The following CRACR2A variants were observed in gnomAD, a reference collection of about 807,000 sequenced individuals.
CRACR2A encodes calcium release activated channel regulator 2A, also known as EF-hand calcium-binding domain-containing protein 4B.
Under a neutral mutation model 90.5 loss-of-function variants are expected in CRACR2A, and 79 were observed. That is an observed-to-expected ratio of 0.87 (90% CI 0.73 to 1.05). CRACR2A has a LOEUF of 1.05. Ranked by LOEUF, CRACR2A falls within the 50% of genes least tolerant of loss-of-function variation. The pLI, the probability that CRACR2A is intolerant of heterozygous loss-of-function variation, is 0.00. For synonymous variants in CRACR2A, 338 were observed against 356.7 expected (o/e 0.95, Z 0.59); for missense variants, 823 against 897.2 (o/e 0.92, Z 1.06).
At chr12:3,660,877 CACACACACACA>C (rs1386610831) in intron 7 of CRACR2A, among the ~76,000 whole-genome samples, 1 of 110,774 alleles carries the variant, frequency 9.0e-6, no homozygotes, top group Non-Finnish European at 2.0e-5. Context: ...CACACACACA[CACACACACACA>C]ATTTTGGCCC....
intron 1 of CRACR2A, among the ~76,000 whole-genome samples, chr12:3,752,275 A>G (rs1386463654): frequency 6.6e-6 from 1 of 152,180 alleles, no homozygotes; most frequent in African/African-American, 2.4e-5. Context: ...CCCACGTGGC[A>G]GGGTACATTC....
intron 14 of CRACR2A, among the ~76,000 whole-genome samples, chr12:3,634,735 C>T (rs1944429668): frequency 1.3e-5 from 2 of 152,154 alleles, no homozygotes; most frequent in Non-Finnish European, 2.9e-5. Flanking sequence ...AATGTAGTGG[C>T]AGGTGTATTA....
chr12:3,725,427 T>A lies in CRACR2A; in HGVS notation c.-118+7515A>T, dbSNP rs552115163. Among the ~76,000 whole-genome samples, 637 of 152,310 alleles carry A rather than the reference T, an allele frequency of 4.2e-3. 8 individuals are homozygous for A. The highest frequency in any genetic ancestry group is 0.015 in the African/African-American group (609 of 41,544). On this transcript the variant is annotated intron_variant, in intron 2 of 19. Coordinates refer to ENST00000440314, the MANE Select transcript of CRACR2A (RefSeq NM_001144958.2). ...CTCCAGCTCTGCCTCTGTCCTCATT[T>A]GGCCTTCTTCTCTCTATGTCCCTCC...
At chr12:3,729,110 G>C (rs241971) in intron 2 of CRACR2A, 2 of 152,074 alleles carry the variant, frequency 1.3e-5, no homozygotes, top group Non-Finnish European at 1.5e-5. Flanking sequence ...CACCAGGCTT[G>C]TCACTCACAC....
chr12:3,718,889 G>A (rs1197726110), intron 2 of CRACR2A, among the ~76,000 whole-genome samples: 1 of 152,166 alleles, frequency 6.6e-6, no homozygotes, highest in Non-Finnish European at 1.5e-5. Context: ...GAGGCTGGAG[G>A]AGAGTTTACA....
intron 11 of CRACR2A, among the ~76,000 whole-genome samples, chr12:3,645,601 C>A (rs1944669034): frequency 6.6e-6 from 1 of 152,090 alleles, no homozygotes. Context: ...GAACAGATTG[C>A]TGGGGGCAAG....
At chr12:3,620,416 C>T (rs187763997) in intron 17 of CRACR2A, among the ~76,000 whole-genome samples, 9 of 152,330 alleles carry the variant, frequency 5.9e-5, no homozygotes, top group Non-Finnish European at 1.5e-5. Flanking sequence ...AGCTGTTTTA[C>T]TTGAGCATTT....
At chr12:3,629,205 C>T (rs1046574167) in intron 15 of CRACR2A, among the ~76,000 whole-genome samples, 67 of 152,078 alleles carry the variant, frequency 4.4e-4, no homozygotes, top group African/African-American at 1.6e-3. Flanking sequence ...GCAGGAGTCA[C>T]GAGCCGTCGT....
At chr12:3,731,363 A>G (rs1048918476) in intron 2 of CRACR2A, 1 of 152,364 alleles carries the variant, frequency 6.6e-6, no homozygotes, top group African/African-American at 2.4e-5. Context: ...CCCCCCATCA[A>G]GGCTCTGTCC....
intron 4 of CRACR2A, among the ~76,000 whole-genome samples, chr12:3,684,913 C>T (rs774432706): frequency 1.3e-5 from 2 of 152,180 alleles, no homozygotes; most frequent in South Asian, 2.1e-4. Context: ...GAGCGGGCCA[C>T]GCAGCTGTGT....
intron 4 of CRACR2A, among the ~76,000 whole-genome samples, chr12:3,691,921 T>C (rs1239288499): frequency 6.6e-6 from 1 of 152,244 alleles, no homozygotes; most frequent in Non-Finnish European, 1.5e-5. Context: ...GATTCCTTCC[T>C]CTGTTTGGTC....
At chr12:3,694,639 G>A (rs1357190380) in intron 4 of CRACR2A, among the ~76,000 whole-genome samples, 1 of 152,164 alleles carries the variant, frequency 6.6e-6, no homozygotes, top group Non-Finnish European at 1.5e-5. Flanking sequence ...TCTGCAGAGA[G>A]CCACAGCTGA....
chr12:3,699,674 G>GTA (rs1303783422), intron 3 of CRACR2A, among the ~76,000 whole-genome samples: 1 of 152,162 alleles, frequency 6.6e-6, no homozygotes. Flanking sequence ...GTAACAACAG[G>GTA]TGATGCATGA....
rs1944906258 is a variant in CRACR2A, at chr12:3,656,308, T to C, written c.858+3A>G. ...TACTCTGGGGCCATGGATGGCAACA[T>C]ACCCTTTTCTGCTTCTGGGTGAGCT... On this transcript the variant is annotated splice_donor_region_variant and intron_variant, in intron 9 of 19. Transcript: ENST00000440314. 1.2e-6 allele frequency: 2 copies of C among 1,614,078 alleles called. No homozygotes were observed. Among genetic ancestry groups the C allele is most frequent in the South Asian group, 1.1e-5 (1 of 91,080 alleles).
intron 9 of CRACR2A, 127 bp from the exon 10 acceptor site, chr12:3,654,526 C>A: frequency 1.1e-6 from 1 of 885,572 alleles, no homozygotes; most frequent in East Asian, 2.7e-5. Flanking sequence ...TCACTGGCCT[C>A]AAGCCTAAAT....
rs1326094324 is a variant in CRACR2A at position 3,643,894 on chromosome 12, A to AT, written c.1164+700_1164+701insA. On this transcript the variant is annotated intron_variant, in intron 12 of 19. Transcript: ENST00000440314. ...ATTATATATATTTATATTAATATAT[A>AT]ATATATATTATATATATTTATATTA... Among the ~76,000 whole-genome samples, 127 of 88,038 alleles carry AT rather than the reference A, an allele frequency of 1.4e-3. 2 individuals are homozygous for AT. Among genetic ancestry groups the AT allele is most frequent in the Non-Finnish European group, 2.7e-3 (115 of 43,304 alleles). The allele number at this position is 88,038 out of a possible 152,430, so 57.8% of individuals were successfully genotyped here.
intron 4 of CRACR2A, among the ~76,000 whole-genome samples, chr12:3,689,069 T>C (rs997469588): frequency 6.6e-6 from 1 of 152,214 alleles, no homozygotes; most frequent in African/African-American, 2.4e-5. Flanking sequence ...TTGAAGTTGT[T>C]TATCAGCTTA....
chr12:3,623,988 C>T lies in CRACR2A; in HGVS notation c.1932+3448G>A, dbSNP rs535087925. Among the ~76,000 whole-genome samples, 6 of 152,290 alleles carry T rather than the reference C, an allele frequency of 3.9e-5. No homozygotes were observed. The South Asian group carries it at 1.2e-3, about 32-fold the overall frequency. ...TCATACACTGTAGAAATTTAGGGGC[C>T]AGGAGGGAGCATTTGGTCTGCTGCC... On this transcript the variant is annotated intron_variant, in intron 17 of 19. Transcript: ENST00000440314.
intron 7 of CRACR2A, among the ~76,000 whole-genome samples, chr12:3,662,220 G>A (rs934073300): frequency 2.6e-5 from 4 of 152,156 alleles, no homozygotes; most frequent in Non-Finnish European, 5.9e-5. Flanking sequence ...TGGAAAGTTG[G>A]TCTGCTGTGA....
Sources: gnomAD v4.1 joint callset for allele counts (sites outside exome capture counted in the v4.1 genomes callset) on GRCh38, gnomAD v4.1.1 for gene constraint, MANE v1.5 for transcripts, NCBI Gene and HGNC (gene_info 2026-07-23, HGNC 2026-07-21) for gene names.